Variants in UTRN observed in about 807,000 individuals in gnomAD.
The protein encoded by UTRN is dystrophin-related protein 1.
UTRN carries 283 observed loss-of-function variants against 463.9 expected under a neutral mutation model. That is an observed-to-expected ratio of 0.61 (90% CI 0.55 to 0.67). UTRN has a LOEUF of 0.67. UTRN is among the 30% of genes least tolerant of loss of function. UTRN has a pLI of 0.00. For synonymous variants in UTRN, 1,442 were observed against 1,431.5 expected, an observed-to-expected ratio of 1.01 and a Z score of -0.17; for missense variants, 3,922 against 4,084.3, an observed-to-expected ratio of 0.96 and a Z score of 1.08.
Position 144,438,800 on chromosome 6 carries a change from T to A in UTRN, c.1297T>A (p.Trp433Arg), listed in dbSNP as rs1476315129. 3 of 1,614,230 alleles carry A rather than the reference T, an allele frequency of 1.9e-6. No homozygotes were observed. Among genetic ancestry groups the A allele is most frequent in the South Asian group, 2.2e-5 (2 of 91,078 alleles). ...GAAGCAACTGCAGCAGCTCTCCGCC[T>A]GGTTAACACTCACAGAGGAGCGCAT... Reference protein sequence around the residue: ...QKKQLQQLSAWLTLTEERIQK... With the variant: ...QKKQLQQLSARLTLTEERIQK... Residue 433 changes from tryptophan (W) to arginine (R), a missense_variant, in exon 12 of 75, where the codon TGG (tryptophan) becomes AGG (arginine). By Grantham distance (101) the Trp-to-Arg change is moderately radical. Coordinates refer to ENST00000367545, the MANE Select transcript of UTRN (RefSeq NM_007124.3).
Position 144,437,781 on chromosome 6 carries a change from C to T in UTRN, c.1241+35C>T. 3.1e-6 allele frequency: 5 copies of T among 1,588,100 alleles called. 1 individual carries two copies. The South Asian group carries it at 4.6e-5, about 15-fold the overall frequency. On this transcript the variant is annotated intron_variant, in intron 11 of 74. Coordinates refer to ENST00000367545, the MANE Select transcript of UTRN (RefSeq NM_007124.3). ...AAGCCAAGAAATGCACTTAATTCCA[C>T]AGGCTGCTTTGCACAGTTGAGCTCT...
chr6:144,491,174 A>G (rs1793038738), intron 32 of UTRN, 72 bp downstream of exon 32: 2 of 1,432,646 alleles, frequency 1.4e-6, no homozygotes, highest in Non-Finnish European at 1.9e-6. Flanking sequence ...TAGCAAGTAC[A>G]TGCCTAGTGT....
At chr6:144,715,459 G>A (rs551823849) in intron 53 of UTRN, among the ~76,000 whole-genome samples, 7 of 152,234 alleles carry the variant, frequency 4.6e-5, no homozygotes, top group African/African-American at 1.7e-4. Context: ...CTCTCGGAAT[G>A]GTCTGCAAGG....
At chr6:144,805,475 G>A (rs1004520592) in intron 65 of UTRN, among the ~76,000 whole-genome samples, 7 of 152,210 alleles carry the variant, frequency 4.6e-5, no homozygotes, top group Admixed American at 4.6e-4. Flanking sequence ...AGAACTAGTA[G>A]AAGCATGTTT....
intron 54 of UTRN, among the ~76,000 whole-genome samples, chr6:144,737,170 A>G (rs1224837189): frequency 6.6e-6 from 1 of 152,082 alleles, no homozygotes; most frequent in Non-Finnish European, 1.5e-5. Context: ...TAGAGATTGT[A>G]TGGAAAACAT....
intron 51 of UTRN, among the ~76,000 whole-genome samples, chr6:144,646,491 C>T (rs1481024662): frequency 3.3e-5 from 5 of 152,060 alleles, no homozygotes; most frequent in African/African-American, 7.2e-5. Context: ...TCCATTCTTA[C>T]AGGTTATTTT....
rs1462339730 is a variant in UTRN at position 144,647,305 on chromosome 6, T to C, written c.7480-31101T>C. 2.6e-5 allele frequency among the ~76,000 whole-genome samples: 4 copies of C among 152,186 alleles called. No homozygotes were observed. The East Asian group carries it at 5.8e-4, about 22-fold the overall frequency. Reference sequence around the variant, plus strand: ...CTCATACTTGTTCTTCATGAAACTATGGAATAATTTTTCATGTATTTTCAT... The same window carrying C: ...CTCATACTTGTTCTTCATGAAACTACGGAATAATTTTTCATGTATTTTCAT... On this transcript the variant is annotated intron_variant, in intron 51 of 74. Coordinates refer to ENST00000367545, the MANE Select transcript of UTRN (RefSeq NM_007124.3).
chr6:144,486,716 T>C (rs1584979257), intron 28 of UTRN, among the ~76,000 whole-genome samples: 1 of 152,136 alleles, frequency 6.6e-6, no homozygotes, highest in Admixed American at 6.6e-5. Flanking sequence ...GATGGGGTTT[T>C]ACCATGTCGG....
intron 40 of UTRN, among the ~76,000 whole-genome samples, 153 bp from the exon 41 acceptor site, chr6:144,522,862 TA>T (rs71894759): frequency 0.15 from 21,854 of 148,644 alleles, 1,701 homozygotes; most frequent in South Asian, 0.31. Context: ...GAGTATCATT[TA>T]AAAAAAAAAA....
rs748399313 is a variant in UTRN, at chr6:144,772,016, GTTTTTTTTTT to G, written c.8557+76_8557+85del. 244 of 127,536 alleles carry G rather than the reference GTTTTTTTTTT, an allele frequency of 1.9e-3. 1 individual carries two copies. The highest frequency in any genetic ancestry group is 0.012 in the African/African-American group (169 of 14,122). 7.9% of individuals were successfully genotyped at this position (127,536 alleles called of 1,614,324 possible). A position where few individuals can be genotyped will look rare whatever the true frequency, so the allele number is the denominator to read the frequency against. On this transcript the variant is annotated intron_variant, in intron 59 of 74. Coordinates refer to ENST00000367545, the MANE Select transcript of UTRN (RefSeq NM_007124.3). Reference sequence around the variant, plus strand: ...AATTAACCTAAACAACTGAGAACCGGTTTTTTTTTTTTTTTTTTTTTTTTTTTTTTTTTTT... The same window carrying G: ...AATTAACCTAAACAACTGAGAACCGGTTTTTTTTTTTTTTTTTTTTTTTTT...
chr6:144,461,484 G>C (rs1007471286), intron 22 of UTRN, 142 bp downstream of exon 22: 1 of 994,786 alleles, frequency 1.0e-6, no homozygotes, highest in South Asian at 4.0e-5. Flanking sequence ...TATGATTTGA[G>C]GGTTAGTTTG....
chr6:144,761,676 A>AAG (rs915324649), intron 58 of UTRN, among the ~76,000 whole-genome samples: 3 of 151,868 alleles, frequency 2.0e-5, no homozygotes, highest in African/African-American at 7.3e-5. Flanking sequence ...ATAATAAATA[A>AAG]AGAGAGAGAG....
At chr6:144,710,469 G>A (rs371911502) in intron 53 of UTRN, among the ~76,000 whole-genome samples, 4 of 152,276 alleles carry the variant, frequency 2.6e-5, no homozygotes, top group Admixed American at 2.0e-4. Flanking sequence ...CTTTCCTTCC[G>A]TAGTGTAAAT....
In UTRN at chr6:144,733,581, A is replaced by G. The variant is rs141656000; in HGVS notation, c.7939+3095A>G. Among the ~76,000 whole-genome samples the G allele has an allele frequency of 2.6e-3, 397 of 150,640 alleles. 2 individuals carry two copies. The highest frequency in any genetic ancestry group is 2.7e-3 in the Non-Finnish European group (182 of 67,690). ...CAACAAATTTTTTACTACCATTTTT[A>G]TAGTTCCATAACCAATCTATACTAT... On this transcript the variant is annotated intron_variant, in intron 54 of 74. Coordinates refer to ENST00000367545, the MANE Select transcript of UTRN (RefSeq NM_007124.3).
chr6:144,825,836 A>G (rs1236187214), intron 66 of UTRN, among the ~76,000 whole-genome samples: 1 of 152,142 alleles, frequency 6.6e-6, no homozygotes, highest in African/African-American at 2.4e-5. Flanking sequence ...AGTATTGACT[A>G]ATACTATGTT....
rs189869665 is a variant in UTRN at position 144,631,400 on chromosome 6, T to A, written c.7480-47006T>A. 9.9e-5 allele frequency among the ~76,000 whole-genome samples: 15 copies of A among 152,280 alleles called. No individual in the cohort carries two copies. The East Asian group carries it at 2.5e-3, about 25-fold the overall frequency. On this transcript the variant is annotated intron_variant, in intron 51 of 74. Transcript: ENST00000367545. ...CTTATTGTATAGCTTATATTCCAAA[T>A]ATTGGAGGAAAGAGAGGGAGTTTGG...
intron 34 of UTRN, among the ~76,000 whole-genome samples, chr6:144,503,901 TG>T (rs1488714303): frequency 6.6e-6 from 1 of 152,198 alleles, no homozygotes; most frequent in Non-Finnish European, 1.5e-5. Flanking sequence ...TCCATTTGTT[TG>T]TATCCTCTCT....
chr6:144,448,186 G>A (rs1787880759), intron 16 of UTRN, among the ~76,000 whole-genome samples: 1 of 152,196 alleles, frequency 6.6e-6, no homozygotes, highest in Admixed American at 6.5e-5. Context: ...AAAATGTGGT[G>A]TATGCATACA....
At chr6:144,437,799 T>G in intron 11 of UTRN, 53 bp downstream of exon 11, 1 of 1,550,174 alleles carries the variant, frequency 6.5e-7, no homozygotes, top group Non-Finnish European at 8.7e-7. Flanking sequence ...TTTGCACAGT[T>G]GAGCTCTAGT....
Sources: gnomAD v4.1 joint callset for allele counts (sites outside exome capture counted in the v4.1 genomes callset) on GRCh38, gnomAD v4.1.1 for gene constraint, MANE v1.5 for transcripts, NCBI Gene and HGNC (gene_info 2026-07-23, HGNC 2026-07-21) for gene names.